AKTIP: variants seen among roughly 807,000 people sequenced by gnomAD.
AKTIP encodes AKT-interacting protein.
AKTIP carries 16 observed loss-of-function variants against 39.1 expected under a neutral mutation model. That is an observed-to-expected ratio of 0.41 (90% CI 0.28 to 0.62). The LOEUF is 0.62. Ranked by LOEUF, AKTIP falls within the 20% of genes least tolerant of loss-of-function variation. The pLI is 0.32. For missense variants in AKTIP, 262 were observed against 356.6 expected (o/e 0.73, Z 2.14); for synonymous variants, 93 against 124.3 (o/e 0.75, Z 1.67).
chr16:53,500,318 C>T lies in AKTIP; in HGVS notation c.-59G>A, dbSNP rs1008105947. The T allele has an allele frequency of 1.9e-6, 3 of 1,595,794 alleles. No homozygotes were observed. Among genetic ancestry groups the T allele is most frequent in the Non-Finnish European group, 1.7e-6 (2 of 1,174,446 alleles). ...TATCATCCAAATCTTCTGTCTTCGGCATTCACTTTACCTTAAAACAAGACG... is the reference window on the plus strand; with the variant it reads ...TATCATCCAAATCTTCTGTCTTCGGTATTCACTTTACCTTAAAACAAGACG... On this transcript the variant is annotated 5_prime_UTR_variant, in exon 2 of 10. It removes an upstream start codon present in the reference 5' UTR. Coordinates refer to ENST00000394657, the MANE Select transcript of AKTIP (RefSeq NM_022476.4).
chr16:53,497,067 G>A (rs1961883345), intron 3 of AKTIP, among the ~76,000 whole-genome samples: 1 of 152,176 alleles, frequency 6.6e-6, no homozygotes, highest in Non-Finnish European at 1.5e-5. Flanking sequence ...AAGTAGCTGG[G>A]ATTACAGGCA....
intron 1 of AKTIP, among the ~76,000 whole-genome samples, chr16:53,500,550 G>T (rs1470295590): frequency 1.3e-5 from 2 of 151,928 alleles, no homozygotes; most frequent in African/African-American, 4.8e-5. Flanking sequence ...GCTAAGTTTT[G>T]TATCTTTAGT....
rs1961485370 is a variant in AKTIP, at chr16:53,491,785, T to C, written c.*627A>G. On this transcript the variant is annotated 3_prime_UTR_variant, in exon 10 of 10. Transcript: ENST00000394657. ...AATACCGGACTTCATTAGAAACCGT[T>C]GTAACACTTTTTCTCCCTCCTGCCA... is the stretch of plus-strand genomic sequence containing the variant. The C allele has an allele frequency of 6.6e-6, 1 of 152,530 alleles. No individual in the cohort carries two copies. The highest frequency in any genetic ancestry group is 2.1e-4 in the South Asian group (1 of 4,818). The allele number at this position is 152,530 out of a possible 1,614,324, so 9.4% of individuals were successfully genotyped here.
chr16:53,498,351 A>C, intron 3 of AKTIP, 40 bp downstream of exon 3: 12 of 1,596,002 alleles, frequency 7.5e-6, no homozygotes, highest in Non-Finnish European at 9.5e-6. Flanking sequence ...ACTTTAAAGG[A>C]TCATTCCTAA....
rs765897827 is a variant in AKTIP at position 53,494,542 on chromosome 16, C to T, written c.478G>A (p.Val160Met). 35 of 1,614,062 alleles carry T rather than the reference C, an allele frequency of 2.2e-5. No homozygotes were observed. Among genetic ancestry groups the T allele is most frequent in the Non-Finnish European group, 2.8e-5 (33 of 1,180,020 alleles). ...LVDPTSGELD[V>M]KRAFAKWRRN... ...CTCCATTTTGCAAATGCTCTCTTCACATCCAGCTCACCTGAGGTGGGATCA... is the reference window on the plus strand; with the variant it reads ...CTCCATTTTGCAAATGCTCTCTTCATATCCAGCTCACCTGAGGTGGGATCA... Residue 160 changes from valine to methionine, a missense_variant, in exon 6 of 10, where the codon GTG (valine) becomes ATG (methionine). Val to Met is a conservative substitution (Grantham distance 21). Around this residue, in one of 4 missense-constraint regions of AKTIP, gnomAD observed 145 missense variants for 159.3 expected, o/e 0.91. Coordinates refer to ENST00000394657, the MANE Select transcript of AKTIP (RefSeq NM_022476.4).
chr16:53,494,150 G>T lies in AKTIP; in HGVS notation c.698C>A (p.Pro233His), dbSNP rs780998485. The stretch of plus-strand genomic sequence containing the variant: ...ATGCACCACTTACCTAATTGCATAG[G>T]GGTCTTCTATTTTAGGTTGGTCAAA... ...RLFDQPKIED[P>H]YAISFSPWNP... is the part of the protein sequence containing the mutation. Residue 233 changes from proline (P) to histidine (H), a missense_variant, in exon 8 of 10, where the codon CCC (proline) becomes CAC (histidine). By Grantham distance (77) the Pro-to-His change is moderately conservative (BLOSUM62 -2). Coordinates refer to ENST00000394657, the MANE Select transcript of AKTIP (RefSeq NM_022476.4). The T allele has an allele frequency of 6.2e-7, 1 of 1,613,318 alleles. No individual in the cohort carries two copies.
chr16:53,494,886 C>T, intron 5 of AKTIP, 187 bp downstream of exon 5: 2 of 743,910 alleles, frequency 2.7e-6, no homozygotes, highest in Non-Finnish European at 4.8e-6. Context: ...CTTGCAGACC[C>T]TGAGCAGAGA....
At chr16:53,494,662 C>A in intron 5 of AKTIP, 57 bp from the exon 6 acceptor site, 5 of 1,515,774 alleles carry the variant, frequency 3.3e-6, no homozygotes, top group Non-Finnish European at 3.6e-6. Context: ...GCTTATGAGA[C>A]CCATAGGAAT....
intron 8 of AKTIP, chr16:53,493,104 C>A (rs1261598967): frequency 4.4e-6 from 1 of 226,152 alleles, no homozygotes; most frequent in East Asian, 1.1e-4. Context: ...GAGTCTAGTT[C>A]TGTCACCCAG....
chr16:53,504,109 T>A (rs12708938), upstream of AKTIP, among the ~76,000 whole-genome samples: 66,932 of 141,372 alleles, frequency 0.47, 17,455 homozygotes, highest in African/African-American at 0.67. Flanking sequence ...TTTTTTTTTT[T>A]AATTCACACG....
intron 2 of AKTIP, among the ~76,000 whole-genome samples, chr16:53,499,449 G>GC (rs1368528885): frequency 1.2e-4 from 16 of 130,706 alleles, no homozygotes; most frequent in Admixed American, 1.2e-3. Context: ...TGAGATTATA[G>GC]TTTTTTTTTT....
intron 1 of AKTIP, 196 bp downstream of exon 1, chr16:53,502,951 A>G (rs2150877753): frequency 1.3e-5 from 2 of 152,412 alleles, no homozygotes; most frequent in Admixed American, 6.5e-5. Context: ...CCGGGCTGCG[A>G]GGCGGCCAGC....
chr16:53,494,881 A>C (rs1961730826), intron 5 of AKTIP, 192 bp downstream of exon 5: 2 of 738,888 alleles, frequency 2.7e-6, no homozygotes, highest in African/African-American at 1.7e-5. Flanking sequence ...CCTCCCTTGC[A>C]GACCCTGAGC....
chr16:53,498,801 ACT>A (rs1961995262), intron 2 of AKTIP, among the ~76,000 whole-genome samples: 1 of 152,050 alleles, frequency 6.6e-6, no homozygotes, highest in African/African-American at 2.4e-5. Context: ...CATTAGAGAA[ACT>A]CTTTCATATA....
chr16:53,500,674 G>A (rs180671745), intron 1 of AKTIP, among the ~76,000 whole-genome samples: 5 of 152,228 alleles, frequency 3.3e-5, no homozygotes, highest in African/African-American at 9.6e-5. Flanking sequence ...CACCACGCCC[G>A]GCCAACAGTT....
At chr16:53,499,449 G>GTTTTTTTT (rs56138099) in intron 2 of AKTIP, among the ~76,000 whole-genome samples, 4 of 130,706 alleles carry the variant, frequency 3.1e-5, no homozygotes, top group Non-Finnish European at 1.6e-5. Flanking sequence ...TGAGATTATA[G>GTTTTTTTT]TTTTTTTTTT....
rs16745 is a variant in AKTIP, at chr16:53,491,819, C to CAGTAAGTA, written c.*585_*592dup. Reference sequence around the variant, plus strand: ...TTTTCTCCCTCCTGCCATAAAAATACAGTAAGTAATTTGCTTAAAAAAAAC... The same window carrying CAGTAAGTA: ...TTTTCTCCCTCCTGCCATAAAAATACAGTAAGTAAGTAAGTAATTTGCTTAAAAAAAAC... On this transcript the variant is annotated 3_prime_UTR_variant, in exon 10 of 10. Coordinates refer to ENST00000394657, the MANE Select transcript of AKTIP (RefSeq NM_022476.4). The CAGTAAGTA allele has an allele frequency of 2.0e-5, 3 of 152,326 alleles. No individual in the cohort carries two copies. The highest frequency in any genetic ancestry group is 2.1e-4 in the South Asian group (1 of 4,812). 9.4% of individuals were successfully genotyped at this position (152,326 alleles called of 1,614,324 possible).
At chr16:53,497,968 T>G (rs1157032858) in intron 3 of AKTIP, among the ~76,000 whole-genome samples, 1 of 152,232 alleles carries the variant, frequency 6.6e-6, no homozygotes, top group Non-Finnish European at 1.5e-5. Context: ...AGGCTGGTCT[T>G]GAACTCCTGA....
Position 53,501,264 on chromosome 16 carries a change from T to C in AKTIP, c.-70-935A>G, listed in dbSNP as rs151004765. On this transcript the variant is annotated intron_variant, in intron 1 of 9. Coordinates refer to ENST00000394657, the MANE Select transcript of AKTIP (RefSeq NM_022476.4). ...CTGCCTTCTACAACTTCGAAACATA[T>C]AGAAACTGCAGGATCATGTACTTAA... 6.6e-3 allele frequency: 1,002 copies of C among 152,280 alleles called. 5 individuals are homozygous for C. The highest frequency in any genetic ancestry group is 0.017 in the Middle Eastern group (5 of 294). The allele number at this position is 152,280 out of a possible 1,614,324, so 9.4% of individuals were successfully genotyped here.
Sources: gnomAD v4.1 joint callset for allele counts (sites outside exome capture counted in the v4.1 genomes callset) on GRCh38, gnomAD v4.1.1 for gene constraint, gnomAD v4.1.1 regional missense constraint, MANE v1.5 for transcripts, NCBI Gene and HGNC (gene_info 2026-07-23, HGNC 2026-07-21) for gene names.